ACTR5: variants seen among roughly 807,000 people sequenced by gnomAD.
ACTR5 encodes actin related protein 5.
A neutral mutation model predicts 61.2 loss-of-function variants in ACTR5; 43 were observed. The ratio of observed to expected loss-of-function variants is 0.70; its 90% CI spans 0.55 to 0.91. The LOEUF (loss-of-function observed/expected upper bound fraction) is 0.91, where lower values mean the gene tolerates loss of function less well. Ranked by LOEUF, ACTR5 falls within the 40% of genes least tolerant of loss-of-function variation. The probability of loss-of-function intolerance (pLI) is 0.00; values close to 1 mark genes in which losing one functional copy is unlikely to be tolerated. For synonymous variants in ACTR5, 333 were observed against 310.5 expected (o/e 1.07, Z -0.76); for missense variants, 798 against 782.2 (o/e 1.02, Z -0.24).
intron 5 of ACTR5, among the ~76,000 whole-genome samples, chr20:38,757,531 T>C (rs969739355): frequency 3.9e-5 from 6 of 152,006 alleles, no homozygotes; most frequent in Non-Finnish European, 5.9e-5. Flanking sequence ...TGATTACTTA[T>C]CCTTTCAGAA....
intron 5 of ACTR5, among the ~76,000 whole-genome samples, chr20:38,756,567 C>G (rs2084421261): frequency 6.6e-6 from 1 of 152,008 alleles, no homozygotes; most frequent in African/African-American, 2.4e-5. Context: ...CTTTGATTTT[C>G]TCTTCTTCTT....
chr20:38,768,438 G>T (rs1004324905), intron 8 of ACTR5, among the ~76,000 whole-genome samples: 1 of 152,112 alleles, frequency 6.6e-6, no homozygotes, highest in Non-Finnish European at 1.5e-5. Flanking sequence ...CAAGGTGCCC[G>T]GGGTGAAATC....
chr20:38,751,992 C>T, intron 2 of ACTR5, 139 bp from the exon 3 acceptor site: 1 of 976,420 alleles, frequency 1.0e-6, no homozygotes, highest in Non-Finnish European at 1.5e-6. Context: ...TTCAACGTCC[C>T]TTCTGACTAT....
intron 6 of ACTR5, 132 bp from the exon 7 acceptor site, chr20:38,766,106 T>C (rs2084484777): frequency 1.0e-6 from 1 of 963,866 alleles, no homozygotes; most frequent in Non-Finnish European, 1.5e-6. Flanking sequence ...GTCAAGAGAG[T>C]TGGGAGAAGC....
At chr20:38,768,401 A>G (rs1175880691) in intron 8 of ACTR5, among the ~76,000 whole-genome samples, 2 of 152,168 alleles carry the variant, frequency 1.3e-5, no homozygotes, top group Non-Finnish European at 2.9e-5. Context: ...TACAGCTGTG[A>G]CTTACTACAG....
At chr20:38,760,694 A>T (rs997931065) in intron 5 of ACTR5, among the ~76,000 whole-genome samples, 21 of 152,222 alleles carry the variant, frequency 1.4e-4, no homozygotes, top group African/African-American at 5.1e-4. Context: ...GTGAGGTCAC[A>T]TAGCTAGAAG....
chr20:38,767,504 T>G lies in ACTR5; in HGVS notation c.1474T>G (p.Phe492Val). 1 of 1,614,142 alleles carries G rather than the reference T, an allele frequency of 6.2e-7. No homozygotes were observed. The highest frequency in any genetic ancestry group is 1.1e-5 in the South Asian group (1 of 91,080). The change falls in exon 8 of 9, where the codon TTC becomes GTC. Residue 492 changes from phenylalanine to valine, a missense_variant. Phe to Val is a conservative substitution (Grantham distance 50). Transcript: ENST00000243903. Reference sequence around the variant, plus strand: ...TCAGGAAATGCTGGTTCAGAACGTTTTCCTCACTGGCGGCAACACGATGTA... The same window carrying G: ...TCAGGAAATGCTGGTTCAGAACGTTGTCCTCACTGGCGGCAACACGATGTA... ...DIQEMLVQNV[F>V]LTGGNTMYPG...
chr20:38,755,286 T>C (rs976029649), intron 4 of ACTR5, 112 bp downstream of exon 4: 1 of 1,222,158 alleles, frequency 8.2e-7, no homozygotes. Flanking sequence ...TTGTCACCTT[T>C]GGGGTCACGA....
chr20:38,755,139 G>T lies in ACTR5; in HGVS notation c.958G>T (p.Asp320Tyr), dbSNP rs756351499. ...GCGGCGGGAGGAGAAGCTGCAGCTG[G>T]ATCAGGAGCGTCTGGACCGACTGCT... The part of the protein sequence containing the change: ...ARRREEKLQL[D>Y]QERLDRLLYV... The change falls in exon 4 of 9, where the codon GAT (aspartate) becomes TAT (tyrosine). Residue 320 changes from aspartate (D) to tyrosine (Y), a missense_variant. Physicochemically the swap from Asp to Tyr is radical, Grantham distance 160. Coordinates refer to ENST00000243903, the MANE Select transcript of ACTR5 (RefSeq NM_024855.4). 31 of 1,613,402 alleles carry T rather than the reference G, an allele frequency of 1.9e-5. No individual in the cohort carries two copies. In the Middle Eastern group the frequency reaches 8.2e-4, roughly 43 times the overall value.
At chr20:38,764,282 C>A (rs1197405449) in intron 5 of ACTR5, among the ~76,000 whole-genome samples, 1 of 152,122 alleles carries the variant, frequency 6.6e-6, no homozygotes, top group Admixed American at 6.5e-5. Context: ...CTGCTTGAAC[C>A]CTCCCAAGAC....
intron 5 of ACTR5, among the ~76,000 whole-genome samples, chr20:38,763,027 C>T (rs528010272): frequency 3.3e-5 from 5 of 152,306 alleles, no homozygotes; most frequent in African/African-American, 1.2e-4. Flanking sequence ...CCTAAGTTCA[C>T]GTCCCACTTT....
At chr20:38,766,868 A>G (rs568455349) in intron 7 of ACTR5, among the ~76,000 whole-genome samples, 1 of 152,250 alleles carries the variant, frequency 6.6e-6, no homozygotes, top group South Asian at 2.1e-4. Flanking sequence ...TAGAGAATGG[A>G]ATTTTGTAGG....
intron 5 of ACTR5, among the ~76,000 whole-genome samples, chr20:38,760,023 G>A (rs1176654351): frequency 6.6e-6 from 1 of 151,324 alleles, no homozygotes; most frequent in Non-Finnish European, 1.5e-5. Context: ...TAATTAGCTG[G>A]GCATGCATCT....
chr20:38,760,314 C>G (rs1481978866), intron 5 of ACTR5, among the ~76,000 whole-genome samples: 1 of 152,102 alleles, frequency 6.6e-6, no homozygotes, highest in Non-Finnish European at 1.5e-5. Flanking sequence ...AAGTTCTTTA[C>G]CCATCAGTCT....
At chr20:38,768,003 G>A (rs1345317909) in intron 8 of ACTR5, among the ~76,000 whole-genome samples, 2 of 152,194 alleles carry the variant, frequency 1.3e-5, no homozygotes, top group East Asian at 3.9e-4. Context: ...GCACATGGCT[G>A]ATAAAGAGGA....
chr20:38,756,927 AGT>A (rs1310254953), intron 5 of ACTR5, among the ~76,000 whole-genome samples: 1 of 150,468 alleles, frequency 6.6e-6, no homozygotes, highest in Non-Finnish European at 1.5e-5. Context: ...TAAATAAATA[AGT>A]ATTTTTGTTT....
At chr20:38,762,232 CTT>C (rs1287631044) in intron 5 of ACTR5, among the ~76,000 whole-genome samples, 1 of 152,224 alleles carries the variant, frequency 6.6e-6, no homozygotes, top group African/African-American at 2.4e-5. Flanking sequence ...ATGGGGGACT[CTT>C]GACCCAGGCA....
At position 38,752,179 on chromosome 20, in the gene ACTR5, A is replaced by G. The variant is rs745920926; in HGVS notation, c.654A>G (p.Ala218=). Residue 218 remains alanine, a synonymous_variant, in exon 3 of 9, where the codon GCA becomes GCG. Coordinates refer to ENST00000243903, the MANE Select transcript of ACTR5 (RefSeq NM_024855.4). ...CKRINLGGSQ[A]AGYLQRLLQL... is the part of the protein sequence containing the mutation. ...GCATCAATCTTGGAGGAAGCCAAGC[A>G]GCTGGTTACCTCCAGCGTCTCCTCC... 1.2e-6 allele frequency: 2 copies of G among 1,613,932 alleles called. No individual in the cohort carries two copies. The highest frequency in any genetic ancestry group is 2.2e-5 in the East Asian group (1 of 44,894).
chr20:38,753,873 C>CTTTTTTTTCTTTT (rs1161339872), intron 3 of ACTR5, among the ~76,000 whole-genome samples: 1 of 116,774 alleles, frequency 8.6e-6, no homozygotes, highest in African/African-American at 3.4e-5. Flanking sequence ...GTTATTCGAG[C>CTTTTTTTTCTTTT]TTTTTTTTTT....
Sources: allele counts gnomAD v4.1 joint callset (sites outside exome capture counted in the v4.1 genomes callset), GRCh38; gene constraint gnomAD v4.1.1; transcripts MANE v1.5; gene names NCBI Gene and HGNC (gene_info 2026-07-23, HGNC 2026-07-21).